The following RASGRF2 variants were observed in gnomAD, a reference collection of about 807,000 sequenced individuals.
RASGRF2 encodes Ras protein specific guanine nucleotide releasing factor 2.
RASGRF2 carries 76 observed loss-of-function variants against 151.0 expected under a neutral mutation model. That is an observed-to-expected ratio of 0.50 (90% CI 0.42 to 0.61). RASGRF2 has a LOEUF of 0.61. Ranked by LOEUF, RASGRF2 falls within the 20% of genes least tolerant of loss-of-function variation. The pLI, the probability that RASGRF2 is intolerant of heterozygous loss-of-function variation, is 0.00. For missense variants in RASGRF2, 1,148 were observed against 1,564.6 expected (o/e 0.73, Z 4.49); for synonymous variants, 504 against 566.5 (o/e 0.89, Z 1.57).
intron 17 of RASGRF2, among the ~76,000 whole-genome samples, chr5:81,155,969 A>G (rs1754252119): frequency 6.6e-6 from 1 of 152,190 alleles, no homozygotes; most frequent in Non-Finnish European, 1.5e-5. Flanking sequence ...TCAAGGCCTA[A>G]GTGTGGGTTC....
chr5:81,217,964 G>T (rs1755780076), intron 25 of RASGRF2, among the ~76,000 whole-genome samples: 1 of 152,082 alleles, frequency 6.6e-6, no homozygotes, highest in Non-Finnish European at 1.5e-5. Context: ...GGATGGTCTG[G>T]ATCTCCTGAC....
chr5:81,157,216 C>T (rs921741901), intron 17 of RASGRF2, among the ~76,000 whole-genome samples: 2 of 151,270 alleles, frequency 1.3e-5, no homozygotes, highest in African/African-American at 4.8e-5. Context: ...TAGCCAGGTG[C>T]GGTGGTGGGC....
In RASGRF2 at chr5:81,092,978, A is replaced by G. The variant is rs1210453977; in HGVS notation, c.1551+17A>G. ...CTGCTCAAGGTACTGGTTTTCCATA[A>G]CTGTTCCATTTATCTTCCAAGCACT... On this transcript the variant is annotated intron_variant, in intron 10 of 26. Coordinates refer to ENST00000265080, the MANE Select transcript of RASGRF2 (RefSeq NM_006909.3). The G allele has an allele frequency of 6.3e-7, 1 of 1,588,890 alleles. No individual in the cohort carries two copies. Among genetic ancestry groups the G allele is most frequent in the Admixed American group, 1.8e-5 (1 of 56,286 alleles).
intron 19 of RASGRF2, among the ~76,000 whole-genome samples, chr5:81,205,010 AGAT>A (rs1176640785): frequency 6.6e-6 from 1 of 152,230 alleles, no homozygotes; most frequent in Non-Finnish European, 1.5e-5. Context: ...ATGGTGGAAA[AGAT>A]GATGTGCACT....
At chr5:80,962,765 A>G (rs1747604847) in intron 1 of RASGRF2, among the ~76,000 whole-genome samples, 1 of 152,232 alleles carries the variant, frequency 6.6e-6, no homozygotes, top group South Asian at 2.1e-4. Flanking sequence ...CACTTTAATA[A>G]GGAAACATAA....
chr5:80,987,139 C>A (rs542863806), intron 1 of RASGRF2, among the ~76,000 whole-genome samples: 1 of 152,348 alleles, frequency 6.6e-6, no homozygotes, highest in Admixed American at 6.5e-5. Flanking sequence ...TGCCAGTGGT[C>A]TCTGCATAGT....
At chr5:81,206,285 A>C (rs1485586186) in intron 19 of RASGRF2, among the ~76,000 whole-genome samples, 1 of 152,342 alleles carries the variant, frequency 6.6e-6, no homozygotes, top group East Asian at 1.9e-4. Flanking sequence ...GTCTGAGGAA[A>C]GTCCATCTGG....
intron 1 of RASGRF2, among the ~76,000 whole-genome samples, chr5:81,013,354 T>C (rs574234126): frequency 5.4e-4 from 82 of 152,264 alleles, no homozygotes; most frequent in African/African-American, 1.9e-3. Context: ...TTCCATACTT[T>C]CTCCCTTAAT....
intron 1 of RASGRF2, among the ~76,000 whole-genome samples, chr5:81,028,378 C>G (rs1750114541): frequency 9.4e-6 from 1 of 106,540 alleles, no homozygotes; most frequent in Non-Finnish European, 2.0e-5. Flanking sequence ...AATTTATTTC[C>G]TAATTGTTTG....
chr5:81,038,321 A>G lies in RASGRF2; in HGVS notation c.289-4556A>G, dbSNP rs116673211. Among the ~76,000 whole-genome samples, 1,022 of 152,282 alleles carry G rather than the reference A, an allele frequency of 6.7e-3. 7 individuals are homozygous for G. Among genetic ancestry groups the G allele is most frequent in the Middle Eastern group, 0.044 (13 of 294 alleles). The stretch of plus-strand genomic sequence containing the variant: ...AGGGCTTGTGCCAATTTGTGCAGCC[A>G]TAGTATATAATTCTTTCCGGTGCTG... On this transcript the variant is annotated intron_variant, in intron 1 of 26. Coordinates refer to ENST00000265080, the MANE Select transcript of RASGRF2 (RefSeq NM_006909.3).
chr5:81,147,901 A>C (rs1754041344), intron 17 of RASGRF2, among the ~76,000 whole-genome samples: 1 of 152,200 alleles, frequency 6.6e-6, no homozygotes, highest in Admixed American at 6.5e-5. Flanking sequence ...TGCCAAAGTC[A>C]GTTCTCTTAA....
At chr5:81,222,256 C>T (rs1284675607) in intron 26 of RASGRF2, among the ~76,000 whole-genome samples, 1 of 152,062 alleles carries the variant, frequency 6.6e-6, no homozygotes, top group Non-Finnish European at 1.5e-5. Flanking sequence ...TATACTGATG[C>T]CCCCAACTCT....
intron 1 of RASGRF2, among the ~76,000 whole-genome samples, chr5:80,995,379 C>CATATATATATATATATATATATAT (rs751207758): frequency 6.8e-5 from 9 of 132,330 alleles, no homozygotes; most frequent in African/African-American, 2.4e-4. Flanking sequence ...AATGGAATTT[C>CATATATATATATATATATATATAT]ATATATATAT....
intron 12 of RASGRF2, among the ~76,000 whole-genome samples, chr5:81,095,534 AT>A (rs1752523355): frequency 1.3e-5 from 2 of 152,212 alleles, no homozygotes; most frequent in Non-Finnish European, 2.9e-5. Context: ...GAATTGCTCC[AT>A]TTATTTAGGA....
intron 1 of RASGRF2, among the ~76,000 whole-genome samples, chr5:81,005,917 T>C (rs939651592): frequency 6.6e-5 from 10 of 152,146 alleles, no homozygotes; most frequent in African/African-American, 1.7e-4. Context: ...TGACTGGCCA[T>C]GTGTTTGGAA....
intron 4 of RASGRF2, 137 bp from the exon 5 acceptor site, chr5:81,073,062 C>T: frequency 9.2e-7 from 1 of 1,088,038 alleles, no homozygotes; most frequent in Non-Finnish European, 1.3e-6. Flanking sequence ...TTCACATCAT[C>T]CCTAGGGAAT....
intron 1 of RASGRF2, among the ~76,000 whole-genome samples, chr5:80,973,004 T>C (rs949499352): frequency 7.2e-5 from 11 of 152,258 alleles, no homozygotes; most frequent in African/African-American, 2.7e-4. Context: ...GGTTTGCCTT[T>C]CTACTCTCTT....
At chr5:81,079,974 A>T (rs190408) in intron 5 of RASGRF2, 147 bp from the exon 6 acceptor site, 3 of 1,066,336 alleles carry the variant, frequency 2.8e-6, no homozygotes, top group Non-Finnish European at 3.8e-6. Flanking sequence ...ATTGAGGATA[A>T]TATAATCCAT....
Position 81,017,253 on chromosome 5 carries a change from T to C in RASGRF2, c.289-25624T>C, listed in dbSNP as rs527748307. ...TCATGCTTTTCAAGGCATGTTGATG[T>C]GTGTTACTGCATTTGATCCTCACCT... On this transcript the variant is annotated intron_variant, in intron 1 of 26. Transcript: ENST00000265080. 3.0e-4 allele frequency among the ~76,000 whole-genome samples: 46 copies of C among 152,356 alleles called. No individual in the cohort carries two copies. In the South Asian group the frequency reaches 9.5e-3, roughly 32 times the overall value.
Sources: gnomAD v4.1 joint callset for allele counts (sites outside exome capture counted in the v4.1 genomes callset) on GRCh38, gnomAD v4.1.1 for gene constraint, MANE v1.5 for transcripts, NCBI Gene and HGNC (gene_info 2026-07-23, HGNC 2026-07-21) for gene names.